The following CUX1 variants were observed in gnomAD, a reference collection of about 807,000 sequenced individuals.
The protein encoded by CUX1 is cut like homeobox 1.
Under a neutral mutation model 158.8 loss-of-function variants are expected in CUX1, and 31 were observed. The observed-to-expected ratio is 0.20, with a 90% confidence interval of 0.15 to 0.26. The LOEUF is 0.26. Ranked by LOEUF, CUX1 falls within the 10% of genes least tolerant of loss-of-function variation. The probability of loss-of-function intolerance (pLI) is 1.00; values close to 1 mark genes in which losing one functional copy is unlikely to be tolerated. For missense variants in CUX1, 1,589 were observed against 2,014.6 expected, an observed-to-expected ratio of 0.79 and a Z score of 4.04; for synonymous variants, 879 against 862.1, an observed-to-expected ratio of 1.02 and a Z score of -0.34.
Position 102,158,564 on chromosome 7 carries a change from G to A in CUX1, c.679G>A (p.Asp227Asn), listed in dbSNP as rs782595351. ...KYDEETTAKA[D>N]EIEMIMTDLE... ...CTCTCCCTCTCACCCTCCTAGGGCC[G>A]ACGAGATTGAAATGATCATGACGGA... The change falls in exon 9 of 24, where the codon GAC (aspartate) becomes AAC (asparagine). Residue 227 changes from aspartate (D) to asparagine (N), a missense_variant. By Grantham distance (23) the Asp-to-Asn change is conservative. This residue lies in a region of CUX1 where 515 missense variants were observed against 574.4 expected (regional missense o/e 0.90). Transcript: ENST00000292535. 1.2e-6 allele frequency: 2 copies of A among 1,613,906 alleles called. No individual in the cohort carries two copies. The highest frequency in any genetic ancestry group is 1.7e-5 in the Admixed American group (1 of 59,974).
rs1363428584 is a variant in CUX1, at chr7:102,133,479, T to C, written c.674+18206T>C. Among the ~76,000 whole-genome samples the C allele has an allele frequency of 3.5e-5, 5 of 142,452 alleles. No homozygotes were observed. In the South Asian group the frequency reaches 1.2e-3, roughly 34 times the overall value. The allele number at this position is 142,452 out of a possible 152,430, so 93.5% of individuals were successfully genotyped here. On this transcript the variant is annotated intron_variant, in intron 8 of 23. Coordinates refer to ENST00000292535, the MANE Select transcript of CUX1 (RefSeq NM_181552.4). ...GAAAAAAATACATCTTTTTTTTTTT[T>C]TTTTTTTTTTTTTTGAGATGGAGTC...
Position 102,248,528 on chromosome 7 carries a change from G to A in CUX1, c.4004G>A (p.Gly1335Asp). Residue 1335 changes from glycine (G) to aspartate (D), a missense_variant, in exon 24 of 24, where the codon GGC (glycine) becomes GAC (aspartate). Coordinates refer to ENST00000292535, the MANE Select transcript of CUX1 (RefSeq NM_181552.4). This position sits in a 1 kb window ranked among gnomAD's most constrained non-coding sequence, Gnocchi z 5.8. ...RSGRAAPSSE[G>D]DSCDGVEATE... ...GGCCGGGCGGCGCCCAGCTCGGAGG[G>A]CGACAGCTGCGACGGCGTGGAGGCC... 1 of 1,519,844 alleles carries A rather than the reference G, an allele frequency of 6.6e-7. No homozygotes were observed. The highest frequency in any genetic ancestry group is 8.8e-7 in the Non-Finnish European group (1 of 1,137,432). 94.1% of individuals were successfully genotyped at this position (1,519,844 alleles called of 1,614,324 possible). A position where few individuals can be genotyped will look rare whatever the true frequency, so the allele number is the denominator to read the frequency against.
chr7:102,195,958 C>T (rs184417077), intron 14 of CUX1, among the ~76,000 whole-genome samples: 3 of 152,300 alleles, frequency 2.0e-5, no homozygotes, highest in Admixed American at 6.5e-5. Flanking sequence ...CCCAGCCTCG[C>T]TCTGGTGGTG....
chr7:101,906,536 C>T (rs1470620471), intron 1 of CUX1, among the ~76,000 whole-genome samples: 1 of 151,834 alleles, frequency 6.6e-6, no homozygotes, highest in Non-Finnish European at 1.5e-5. Context: ...TATCGATGGC[C>T]CCCAGGAAGC....
At chr7:102,231,974 A>G (rs1554531002) in intron 21 of CUX1, among the ~76,000 whole-genome samples, 2 of 151,830 alleles carry the variant, frequency 1.3e-5, no homozygotes, top group East Asian at 3.9e-4. Flanking sequence ...TGGCCTTGCA[A>G]AGTGCTGGGA....
chr7:102,261,551 A>G (rs1228507304), downstream of CUX1, among the ~76,000 whole-genome samples: 3 of 144,322 alleles, frequency 2.1e-5, no homozygotes, highest in Non-Finnish European at 3.1e-5. Flanking sequence ...TTTTAAGCAG[A>G]ATCAAGTATG....
chr7:101,892,736 CT>C (rs1159235001), intron 1 of CUX1, among the ~76,000 whole-genome samples: 1 of 151,992 alleles, frequency 6.6e-6, no homozygotes, highest in Non-Finnish European at 1.5e-5. Context: ...TGAGCTAGGT[CT>C]ATTTTTGTTT....
intron 1 of CUX1, among the ~76,000 whole-genome samples, chr7:101,851,424 G>A (rs988965149): frequency 1.3e-5 from 2 of 151,970 alleles, no homozygotes; most frequent in African/African-American, 2.4e-5. Flanking sequence ...TGGATCTCCT[G>A]ACTCGTGTAC....
intron 13 of CUX1, 37 bp downstream of exon 13, chr7:102,193,927 G>GC (rs1794534860): frequency 6.2e-7 from 1 of 1,607,812 alleles, no homozygotes; most frequent in Non-Finnish European, 8.5e-7. Context: ...ACTAGCATCA[G>GC]CCCCGCTGCT....
Position 102,249,150 on chromosome 7 carries a change from G to C in CUX1, c.*108G>C. 1.7e-6 allele frequency: 2 copies of C among 1,154,566 alleles called. No homozygotes were observed. The highest frequency in any genetic ancestry group is 2.1e-6 in the Non-Finnish European group (2 of 936,566). The allele number at this position is 1,154,566 out of a possible 1,614,324, so 71.5% of individuals were successfully genotyped here. A position where few individuals can be genotyped will look rare whatever the true frequency, so the allele number is the denominator to read the frequency against. ...GTGGCCTGGGCTTGGCCCGCGGCCTGCACCGACCCCGGGCCGGACCTGAGC... is the reference window on the plus strand; with the variant it reads ...GTGGCCTGGGCTTGGCCCGCGGCCTCCACCGACCCCGGGCCGGACCTGAGC... On this transcript the variant is annotated 3_prime_UTR_variant, in exon 24 of 24. Coordinates refer to ENST00000292535, the MANE Select transcript of CUX1 (RefSeq NM_181552.4).
At chr7:102,062,826 C>T (rs1002806785) in intron 3 of CUX1, among the ~76,000 whole-genome samples, 5 of 149,608 alleles carry the variant, frequency 3.3e-5, no homozygotes, top group Admixed American at 6.7e-5. Flanking sequence ...AACACTTAGC[C>T]GGGTGCGGTG....
rs539177672 is a variant in CUX1, at chr7:102,255,134, C to G, written c.*6092C>G. On this transcript the variant is annotated 3_prime_UTR_variant, in exon 24 of 24. Transcript: ENST00000292535. ...CCGGCGGCCTGTGCTCCTCACCACC[C>G]TGGTCAGGGGAATAGAAGGAAATGC... 2 of 985,374 alleles carry G rather than the reference C, an allele frequency of 2.0e-6. No homozygotes were observed. The highest frequency in any genetic ancestry group is 2.4e-6 in the Non-Finnish European group (2 of 829,894). 61.0% of individuals were successfully genotyped at this position (985,374 alleles called of 1,614,324 possible).
At chr7:101,950,168 C>T (rs1456198144) in intron 2 of CUX1, among the ~76,000 whole-genome samples, 1 of 152,162 alleles carries the variant, frequency 6.6e-6, no homozygotes, top group Non-Finnish European at 1.5e-5. Flanking sequence ...CGCCACCACA[C>T]CCGGCTAATT....
chr7:102,134,046 A>T (rs782603171), intron 8 of CUX1, among the ~76,000 whole-genome samples: 6 of 152,230 alleles, frequency 3.9e-5, no homozygotes, highest in Non-Finnish European at 7.3e-5. Flanking sequence ...GGTTTTAAAA[A>T]AAGATTGTCC....
At chr7:102,138,318 C>G (rs1209232717) in intron 8 of CUX1, among the ~76,000 whole-genome samples, 2 of 152,108 alleles carry the variant, frequency 1.3e-5, no homozygotes, top group African/African-American at 2.4e-5. Flanking sequence ...TGATATAACT[C>G]TTAACTTAAA....
intron 16 of CUX1, among the ~76,000 whole-genome samples, chr7:102,275,058 G>T (rs1032205712): frequency 2.0e-5 from 3 of 152,100 alleles, no homozygotes; most frequent in Non-Finnish European, 4.4e-5. Context: ...CCATTCTCAC[G>T]CTCCCCGGTT....
In CUX1 at chr7:102,255,513, CT is replaced by C; in HGVS notation, c.*6475del. ...GCCTTTGAGTTGCTTTTCATGAATC[CT>C]TTTAGTTTACCCGATAATGTTAAGA... is the stretch of plus-strand genomic sequence containing the variant. On this transcript the variant is annotated 3_prime_UTR_variant, in exon 24 of 24. Transcript: ENST00000292535. 1 of 985,260 alleles carries C rather than the reference CT, an allele frequency of 1.0e-6. No individual in the cohort carries two copies. Among genetic ancestry groups the C allele is most frequent in the Non-Finnish European group, 1.2e-6 (1 of 829,904 alleles). 61.0% of individuals were successfully genotyped at this position (985,260 alleles called of 1,614,324 possible). A position where few individuals can be genotyped will look rare whatever the true frequency, so the allele number is the denominator to read the frequency against.
At chr7:102,264,195 G>A (rs960110544) in intron 14 of CUX1, among the ~76,000 whole-genome samples, 7 of 149,958 alleles carry the variant, frequency 4.7e-5, no homozygotes, top group South Asian at 2.1e-4. Context: ...TAGTAGAGAC[G>A]GGGTTTCACC....
intron 7 of CUX1, 128 bp downstream of exon 7, chr7:102,111,902 C>G (rs1240352562): frequency 1.3e-6 from 1 of 742,202 alleles, no homozygotes; most frequent in Non-Finnish European, 2.3e-6. Context: ...CTGCCGGGAG[C>G]CCACGCTGAA....
Sources: allele counts gnomAD v4.1 joint callset (sites outside exome capture counted in the v4.1 genomes callset), GRCh38; gene constraint gnomAD v4.1.1; regional missense constraint gnomAD v4.1.1; non-coding constraint Gnocchi (gnomAD v3.1); transcripts MANE v1.5; gene names NCBI Gene and HGNC (gene_info 2026-07-23, HGNC 2026-07-21).